TBX5: variants seen among roughly 807,000 people sequenced by gnomAD.
The protein encoded by TBX5 is T-box transcription factor 5, also known as T-box transcription factor TBX5.
TBX5 carries 8 observed loss-of-function variants against 51.1 expected under a neutral mutation model. The observed-to-expected ratio is 0.16, with a 90% confidence interval of 0.09 to 0.28. The LOEUF (loss-of-function observed/expected upper bound fraction) is 0.28. Among genes scored for constraint, TBX5 ranks in the 10% least tolerant of loss-of-function variants. The probability of loss-of-function intolerance (pLI) is 1.00; values close to 1 mark genes in which losing one functional copy is unlikely to be tolerated. For synonymous variants in TBX5, 302 were observed against 266.4 expected, an observed-to-expected ratio of 1.13 and a Z score of -1.30; for missense variants, 589 against 671.7, an observed-to-expected ratio of 0.88 and a Z score of 1.36.
chr12:114,399,703 A>G, intron 3 of TBX5, 71 bp from the exon 4 acceptor site: 1 of 1,609,952 alleles, frequency 6.2e-7, no homozygotes, highest in Non-Finnish European at 8.5e-7. Flanking sequence ...GCCTCCATCC[A>G]TTTTAAGGGA....
intron 7 of TBX5, among the ~76,000 whole-genome samples, chr12:114,375,114 C>T (rs1169864413): frequency 6.6e-6 from 1 of 152,108 alleles, no homozygotes; most frequent in East Asian, 1.9e-4. Context: ...GAGTTGAGTA[C>T]TAAGTAGAGA....
chr12:114,400,046 G>T (rs1393814649), intron 3 of TBX5, among the ~76,000 whole-genome samples: 1 of 152,208 alleles, frequency 6.6e-6, no homozygotes, highest in Non-Finnish European at 1.5e-5. Context: ...TGTCTAGCCA[G>T]GTGCTTCCGC....
In TBX5 at chr12:114,378,976, G is replaced by A. The variant is rs111397481; in HGVS notation, c.755+6500C>T. On this transcript the variant is annotated intron_variant, in intron 7 of 8. Transcript: ENST00000405440. ...CAAGGACCAGGTGGCTTCCACTTCC[G>A]TGAGAAAGTCTGAACACCCTGAGTC... 4.7e-3 allele frequency among the ~76,000 whole-genome samples: 715 copies of A among 152,258 alleles called. 8 individuals are homozygous for A. The highest frequency in any genetic ancestry group is 0.016 in the African/African-American group (681 of 41,556).
At chr12:114,366,929 C>T (rs1869571445) in intron 7 of TBX5, among the ~76,000 whole-genome samples, 2 of 152,176 alleles carry the variant, frequency 1.3e-5, no homozygotes, top group Admixed American at 6.5e-5. Context: ...GAATTTCCTC[C>T]TGAGCTTCTG....
chr12:114,389,782 A>C lies in TBX5; in HGVS notation c.664-4215T>G, dbSNP rs1248725559. Among the ~76,000 whole-genome samples the C allele has an allele frequency of 5.0e-4, 71 of 141,804 alleles. 1 individual carries two copies. The highest frequency in any genetic ancestry group is 9.3e-4 in the Admixed American group (13 of 13,908). 93.0% of individuals were successfully genotyped at this position (141,804 alleles called of 152,430 possible). On this transcript the variant is annotated intron_variant, in intron 6 of 8. Transcript: ENST00000405440. ...AAAAAAAAAAAAAAAAAAAAAAAAA[A>C]AAAAAAAGTGGATGAAGGACACCTT... is the stretch of plus-strand genomic sequence containing the variant.
At chr12:114,381,642 G>C (rs947392825) in intron 7 of TBX5, among the ~76,000 whole-genome samples, 5 of 152,196 alleles carry the variant, frequency 3.3e-5, no homozygotes, top group Non-Finnish European at 7.3e-5. Context: ...CCCTCCTGCA[G>C]ATGAGAATAC....
chr12:114,369,216 T>G (rs1011845983), intron 7 of TBX5, among the ~76,000 whole-genome samples: 1 of 152,146 alleles, frequency 6.6e-6, no homozygotes, highest in Non-Finnish European at 1.5e-5. Flanking sequence ...CTCCAAAAAA[T>G]GTTGGCTGAG....
At chr12:114,365,973 G>A (rs1869506485) in intron 8 of TBX5, 192 bp downstream of exon 8, 2 of 692,866 alleles carry the variant, frequency 2.9e-6, no homozygotes, top group African/African-American at 1.8e-5. Context: ...GGAACTGGGG[G>A]TAGGAACATG....
At chr12:114,406,553 G>T (rs1448660025), upstream of TBX5, among the ~76,000 whole-genome samples, 1 of 152,056 alleles carries the variant, frequency 6.6e-6, no homozygotes, top group East Asian at 1.9e-4. Context: ...ACCCCGCCTG[G>T]CCGGCGCTCG....
intron 5 of TBX5, among the ~76,000 whole-genome samples, 193 bp from the exon 6 acceptor site, chr12:114,395,086 G>T (rs1032828414): frequency 6.6e-6 from 1 of 151,994 alleles, no homozygotes; most frequent in Admixed American, 6.6e-5. Context: ...ATTTCCAACC[G>T]AAAAAGCCAG....
At chr12:114,368,697 C>G (rs924994853) in intron 7 of TBX5, among the ~76,000 whole-genome samples, 1 of 152,212 alleles carries the variant, frequency 6.6e-6, no homozygotes, top group African/African-American at 2.4e-5. Context: ...GTACAAGACT[C>G]TTTCTACTTC....
At chr12:114,370,292 GAAAAGAAAAGAAAA>G (rs1565929424) in intron 7 of TBX5, among the ~76,000 whole-genome samples, 4 of 28,124 alleles carry the variant, frequency 1.4e-4, no homozygotes, top group African/African-American at 4.7e-4. Flanking sequence ...AGAAAAGAAA[GAAAAGAAAAGAAAA>G]GAAAAGAAAG....
At chr12:114,361,487 C>T (rs187482264) in intron 8 of TBX5, among the ~76,000 whole-genome samples, 1 of 152,280 alleles carries the variant, frequency 6.6e-6, no homozygotes, top group Non-Finnish European at 1.5e-5. Flanking sequence ...CTCCCAGGCC[C>T]TGGGGTCCTG....
At chr12:114,367,616 G>A (rs186500554) in intron 7 of TBX5, among the ~76,000 whole-genome samples, 1 of 151,496 alleles carries the variant, frequency 6.6e-6, no homozygotes, top group Admixed American at 6.6e-5. Context: ...AAGGAAATGA[G>A]AGAGGTGGGG....
intron 7 of TBX5, among the ~76,000 whole-genome samples, chr12:114,379,117 C>T (rs1409684482): frequency 3.3e-5 from 5 of 152,144 alleles, no homozygotes; most frequent in Non-Finnish European, 7.4e-5. Flanking sequence ...TCCTGCCTGA[C>T]CTGCCTTCCG....
At chr12:114,364,714 A>T (rs1222228095) in intron 8 of TBX5, among the ~76,000 whole-genome samples, 1 of 152,186 alleles carries the variant, frequency 6.6e-6, no homozygotes. Context: ...TTCTGGAGCG[A>T]TATCTGCCAC....
chr12:114,403,792 C>T lies in TBX5; in HGVS notation c.107G>A (p.Ser36Asn). The change falls in exon 2 of 9, where the codon AGC becomes AAC. Residue 36 changes from serine (S) to asparagine (N), a missense_variant. Coordinates refer to ENST00000405440, the MANE Select transcript of TBX5 (RefSeq NM_181486.4). Reference protein sequence around the residue: ...SKPESALGAPSKSPSSPQAAF... With the variant: ...SKPESALGAPNKSPSSPQAAF... ...GGCCTGCGGGGACGACGGGGACTTG[C>T]TGGGGGCCCCGAGCGCGCTCTCGGG... 1 of 1,614,080 alleles carries T rather than the reference C, an allele frequency of 6.2e-7. No homozygotes were observed. The highest frequency in any genetic ancestry group is 8.5e-7 in the Non-Finnish European group (1 of 1,180,028).
At position 114,401,924 on chromosome 12, in the gene TBX5, C is replaced by A. The variant is rs776129007; in HGVS notation, c.148-4G>T. 1 of 1,614,064 alleles carries A rather than the reference C, an allele frequency of 6.2e-7. No individual in the cohort carries two copies. Among genetic ancestry groups the A allele is most frequent in the East Asian group, 2.2e-5 (1 of 44,874 alleles). Reference sequence around the variant, plus strand: ...ACACTTTGATTCCCTCCATGCCCTGCAAGAAGGAGAAAAAAGTCACACTAA... The same window carrying A: ...ACACTTTGATTCCCTCCATGCCCTGAAAGAAGGAGAAAAAAGTCACACTAA... On this transcript the variant is annotated splice_region_variant and splice_polypyrimidine_tract_variant and intron_variant, in intron 2 of 8. Coordinates refer to ENST00000405440, the MANE Select transcript of TBX5 (RefSeq NM_181486.4).
chr12:114,396,662 C>G (rs774730540), intron 5 of TBX5, among the ~76,000 whole-genome samples: 62 of 152,146 alleles, frequency 4.1e-4, no homozygotes, highest in Admixed American at 7.2e-4. Flanking sequence ...CCTGGGGAAC[C>G]GTCCCACTTC....
Sources: allele counts gnomAD v4.1 joint callset (sites outside exome capture counted in the v4.1 genomes callset), GRCh38; gene constraint gnomAD v4.1.1; transcripts MANE v1.5; gene names NCBI Gene and HGNC (gene_info 2026-07-23, HGNC 2026-07-21).